The following SIMC1 variants were observed in gnomAD, a reference collection of about 807,000 sequenced individuals.
The protein encoded by SIMC1 is SUMO-interacting motif-containing protein 1.
Under a neutral mutation model 82.3 loss-of-function variants are expected in SIMC1, and 55 were observed. The ratio of observed to expected loss-of-function variants is 0.67; its 90% confidence interval spans 0.54 to 0.84. The LOEUF is 0.84. Ranked by LOEUF, SIMC1 falls within the 40% of genes least tolerant of loss-of-function variation. The probability of loss-of-function intolerance (pLI) is 0.00; values close to 1 mark genes in which losing one functional copy is unlikely to be tolerated. For synonymous variants in SIMC1, 353 were observed against 426.3 expected, an observed-to-expected ratio of 0.83 and a Z score of 2.12; for missense variants, 915 against 1,107.2, an observed-to-expected ratio of 0.83 and a Z score of 2.46.
At chr5:176,273,510 A>AT (rs563586778) in intron 1 of SIMC1, among the ~76,000 whole-genome samples, 1 of 151,768 alleles carries the variant, frequency 6.6e-6, no homozygotes, top group Non-Finnish European at 1.5e-5. Context: ...TGAAAAAAAA[A>AT]TTTTTTTTTA....
chr5:176,345,437 G>A lies in SIMC1; in HGVS notation c.2668G>A (p.Gly890Ser), dbSNP rs114603426. Residue 890 changes from glycine (G) to serine (S), a missense_variant, in exon 10 of 10, where the codon GGC (glycine) becomes AGC (serine). Around this residue, in one of 2 missense-constraint regions of SIMC1, gnomAD observed 902 missense variants for 1,040.3 expected, o/e 0.87. Transcript: ENST00000429602. ...DAEPFQKGWS[G>S]S ...AGAGCCCTTTCAAAAGGGCTGGAGC[G>A]GCTCCTGAGGGCCTGCCAAGCACTG... 255 of 1,611,616 alleles carry A rather than the reference G, an allele frequency of 1.6e-4. 1 individual carries two copies. In the East Asian group the frequency reaches 4.1e-3, roughly 26 times the overall value.
chr5:176,275,078 T>G (rs1409971604), intron 1 of SIMC1, among the ~76,000 whole-genome samples: 3 of 151,688 alleles, frequency 2.0e-5, no homozygotes, highest in African/African-American at 7.3e-5. Flanking sequence ...GTATGGCCAT[T>G]TTCATGATAT....
At chr5:176,290,982 T>C (rs767489464) in intron 2 of SIMC1, 27 bp downstream of exon 2, 1 of 1,491,502 alleles carries the variant, frequency 6.7e-7, no homozygotes, top group South Asian at 1.4e-5. Context: ...CCTCAGGGAT[T>C]AGGTGTCCTT....
chr5:176,343,793 GT>G (rs1766266775), intron 9 of SIMC1, among the ~76,000 whole-genome samples: 1 of 151,598 alleles, frequency 6.6e-6, no homozygotes, highest in Non-Finnish European at 1.5e-5. Flanking sequence ...TTTTTGTTTT[GT>G]TTTGTTTTGT....
In SIMC1 at chr5:176,289,934, A is replaced by G; in HGVS notation, c.410A>G (p.Glu137Gly). 2 of 1,613,896 alleles carry G rather than the reference A, an allele frequency of 1.2e-6. No individual in the cohort carries two copies. Among genetic ancestry groups the G allele is most frequent in the Non-Finnish European group, 1.7e-6 (2 of 1,179,844 alleles). ...CCTGTAGATTTGGACCTAGTGGAAG[A>G]AAACACCTTTGTAGGTCCCCCACCC... ...SDPVDLDLVE[E>G]NTFVGPPPAT... The change falls in exon 2 of 10, where the codon GAA becomes GGA. Residue 137 changes from glutamate (E) to glycine (G), a missense_variant. By Grantham distance (98) the Glu-to-Gly change is moderately conservative. This residue lies in a region of SIMC1 where 902 missense variants were observed against 1,040.3 expected (regional missense o/e 0.87). Coordinates refer to ENST00000429602, the MANE Select transcript of SIMC1 (RefSeq NM_001308195.2).
At chr5:176,273,544 T>G (rs1017744526) in intron 1 of SIMC1, among the ~76,000 whole-genome samples, 1 of 152,208 alleles carries the variant, frequency 6.6e-6, no homozygotes, top group Non-Finnish European at 1.5e-5. Context: ...AGGGTACATG[T>G]GCACAATGTG....
intron 7 of SIMC1, 39 bp from the exon 8 acceptor site, chr5:176,336,681 G>T: frequency 6.2e-7 from 1 of 1,607,562 alleles, no homozygotes; most frequent in Non-Finnish European, 8.5e-7. Context: ...TTGAAGCATA[G>T]TTGTGATGAT....
chr5:176,276,054 T>C (rs112639660), intron 1 of SIMC1, among the ~76,000 whole-genome samples: 1 of 151,608 alleles, frequency 6.6e-6, no homozygotes, highest in Non-Finnish European at 1.5e-5. Context: ...ATGGTACCAG[T>C]TCCTCCTTGT....
intron 1 of SIMC1, among the ~76,000 whole-genome samples, chr5:176,282,307 T>G (rs1763049373): frequency 2.6e-5 from 4 of 152,002 alleles, no homozygotes; most frequent in Non-Finnish European, 2.9e-5. Context: ...AGGGTGGGAG[T>G]GATCCGATTT....
At chr5:176,343,154 CATAT>C (rs1387221928) in intron 9 of SIMC1, among the ~76,000 whole-genome samples, 18 of 152,170 alleles carry the variant, frequency 1.2e-4, no homozygotes, top group African/African-American at 3.9e-4. Flanking sequence ...TGAGAAAAAA[CATAT>C]TGAATGTATT....
At chr5:176,313,885 G>T (rs776812429) in intron 5 of SIMC1, 40 bp downstream of exon 5, 4 of 1,608,426 alleles carry the variant, frequency 2.5e-6, no homozygotes, top group Non-Finnish European at 2.5e-6. Flanking sequence ...AAGAGGTAAG[G>T]GATTATAGGT....
intron 1 of SIMC1, among the ~76,000 whole-genome samples, chr5:176,264,756 T>G (rs1762134576): frequency 6.6e-6 from 1 of 151,910 alleles, no homozygotes; most frequent in African/African-American, 2.4e-5. Flanking sequence ...AAACCTTAGA[T>G]CAGCCCATTG....
intron 1 of SIMC1, among the ~76,000 whole-genome samples, chr5:176,248,049 C>T (rs1761508499): frequency 1.3e-5 from 2 of 151,896 alleles, no homozygotes; most frequent in East Asian, 1.9e-4. Context: ...GTGATGCCTC[C>T]AGCTTTGTTC....
intron 2 of SIMC1, among the ~76,000 whole-genome samples, chr5:176,291,865 G>C (rs543526053): frequency 6.6e-4 from 100 of 152,332 alleles, no homozygotes; most frequent in African/African-American, 2.2e-3. Flanking sequence ...GAAAGTGTCA[G>C]GGTGTCAGGC....
intron 1 of SIMC1, among the ~76,000 whole-genome samples, chr5:176,267,733 GTTTT>G (rs1159766316): frequency 7.3e-5 from 2 of 27,234 alleles, no homozygotes; most frequent in African/African-American, 4.1e-4. Context: ...TTTTCTTTCT[GTTTT>G]TTTTTTTTTT....
At chr5:176,246,243 C>T (rs1172447906) in intron 1 of SIMC1, among the ~76,000 whole-genome samples, 3 of 151,950 alleles carry the variant, frequency 2.0e-5, no homozygotes, top group Admixed American at 6.6e-5. Flanking sequence ...AACTGCTGAC[C>T]TTGTGATCCA....
intron 7 of SIMC1, among the ~76,000 whole-genome samples, chr5:176,331,034 A>G (rs1014229167): frequency 3.3e-5 from 5 of 152,204 alleles, no homozygotes; most frequent in Admixed American, 2.6e-4. Context: ...TATAACCTTC[A>G]TCCATTCATG....
intron 9 of SIMC1, among the ~76,000 whole-genome samples, chr5:176,344,171 T>A (rs1766286810): frequency 2.0e-5 from 3 of 152,154 alleles, no homozygotes; most frequent in African/African-American, 4.8e-5. Flanking sequence ...GATTTTAGAT[T>A]GAGCCAGGAT....
intron 7 of SIMC1, among the ~76,000 whole-genome samples, chr5:176,327,443 G>C (rs1251552633): frequency 1.3e-5 from 2 of 152,202 alleles, no homozygotes; most frequent in Non-Finnish European, 2.9e-5. Context: ...GTAGTGTATA[G>C]AAACCCTGCA....
Sources: gnomAD v4.1 joint callset for allele counts (sites outside exome capture counted in the v4.1 genomes callset) on GRCh38, gnomAD v4.1.1 for gene constraint, gnomAD v4.1.1 regional missense constraint, MANE v1.5 for transcripts, NCBI Gene and HGNC (gene_info 2026-07-23, HGNC 2026-07-21) for gene names.